Variants in KLHL1 observed in about 807,000 individuals in gnomAD.
KLHL1 encodes the protein kelch like family member 1.
KLHL1 carries 47 observed loss-of-function variants against 77.7 expected under a neutral mutation model. The ratio of observed to expected loss-of-function variants is 0.60; its 90% confidence interval spans 0.48 to 0.77. The LOEUF (loss-of-function observed/expected upper bound fraction) is 0.77, where lower values mean the gene tolerates loss of function less well. Ranked by LOEUF, KLHL1 falls within the 30% of genes least tolerant of loss-of-function variation. KLHL1 has a pLI of 0.00. For synonymous variants in KLHL1, 360 were observed against 325.2 expected, an observed-to-expected ratio of 1.11 and a Z score of -1.15; for missense variants, 925 against 910.8, an observed-to-expected ratio of 1.02 and a Z score of -0.20.
intron 7 of KLHL1, among the ~76,000 whole-genome samples, chr13:69,786,852 A>T (rs1050710777): frequency 3.9e-5 from 6 of 152,210 alleles, no homozygotes; most frequent in African/African-American, 1.4e-4. Flanking sequence ...AAGCATTCTT[A>T]TACACCAATA....
intron 6 of KLHL1, among the ~76,000 whole-genome samples, chr13:69,813,047 C>T (rs1366102799): frequency 6.6e-6 from 1 of 150,950 alleles, no homozygotes; most frequent in African/African-American, 2.5e-5. Context: ...TGGCACTATT[C>T]ACAATAGCAA....
At chr13:69,846,475 C>A (rs1358301804) in intron 5 of KLHL1, among the ~76,000 whole-genome samples, 2 of 151,394 alleles carry the variant, frequency 1.3e-5, no homozygotes, top group Non-Finnish European at 3.0e-5. Context: ...TTAGAGCATT[C>A]CAGCTGCCAG....
chr13:69,942,093 G>A (rs1883382265), intron 3 of KLHL1, among the ~76,000 whole-genome samples: 1 of 151,932 alleles, frequency 6.6e-6, no homozygotes, highest in African/African-American at 2.4e-5. Context: ...TTAAACCTGA[G>A]AAAATAATAT....
intron 7 of KLHL1, among the ~76,000 whole-genome samples, chr13:69,780,687 T>C (rs1876099638): frequency 1.5e-4 from 1 of 6,574 alleles, no homozygotes; most frequent in South Asian, 9.6e-3. Context: ...TCTTTCTTCA[T>C]ATATATATAT....
intron 1 of KLHL1, among the ~76,000 whole-genome samples, chr13:70,095,703 T>C (rs1327646771): frequency 6.6e-6 from 1 of 152,132 alleles, no homozygotes; most frequent in Non-Finnish European, 1.5e-5. Context: ...TTCCACTCTT[T>C]TAGTTATTTT....
At chr13:69,973,219 C>T (rs74090681) in intron 2 of KLHL1, among the ~76,000 whole-genome samples, 3,359 of 151,820 alleles carry the variant, frequency 0.022, 80 homozygotes, top group African/African-American at 0.061. Context: ...ATAATTGTGA[C>T]CAATATCAAG....
chr13:69,789,597 T>C (rs1876763389), intron 7 of KLHL1, among the ~76,000 whole-genome samples: 1 of 152,226 alleles, frequency 6.6e-6, no homozygotes, highest in African/African-American at 2.4e-5. Context: ...AGTTAACCAA[T>C]AGTAGAATGA....
At chr13:70,031,250 C>T (rs904332407) in intron 1 of KLHL1, among the ~76,000 whole-genome samples, 6 of 152,134 alleles carry the variant, frequency 3.9e-5, no homozygotes, top group African/African-American at 1.4e-4. Flanking sequence ...TCCTAAGCTC[C>T]TATACACATC....
At chr13:70,081,968 A>G (rs1887402474) in intron 1 of KLHL1, among the ~76,000 whole-genome samples, 1 of 152,112 alleles carries the variant, frequency 6.6e-6, no homozygotes, top group African/African-American at 2.4e-5. Flanking sequence ...AGGCTGGTGG[A>G]TTGGATCATG....
At chr13:69,731,610 G>A (rs564335881) in intron 8 of KLHL1, among the ~76,000 whole-genome samples, 3 of 152,054 alleles carry the variant, frequency 2.0e-5, no homozygotes, top group African/African-American at 7.2e-5. Flanking sequence ...GTTCAATAGC[G>A]AACACTTTAT....
chr13:70,105,914 T>G (rs1035719671), intron 1 of KLHL1, among the ~76,000 whole-genome samples: 6 of 150,766 alleles, frequency 4.0e-5, no homozygotes, highest in Non-Finnish European at 3.0e-5. Context: ...CTCATTAAAA[T>G]TATCTTACAT....
At chr13:69,874,877 G>C (rs1458672808) in intron 5 of KLHL1, among the ~76,000 whole-genome samples, 1 of 152,018 alleles carries the variant, frequency 6.6e-6, no homozygotes, top group Non-Finnish European at 1.5e-5. Flanking sequence ...GGGATATTAA[G>C]GTTTTATCCT....
At chr13:70,049,434 G>A (rs1886578470) in intron 1 of KLHL1, among the ~76,000 whole-genome samples, 1 of 152,032 alleles carries the variant, frequency 6.6e-6, no homozygotes, top group East Asian at 1.9e-4. Context: ...GCTACCTGAC[G>A]TCGATCTGAA....
chr13:70,107,236 G>C lies in KLHL1; in HGVS notation c.464C>G (p.Ser155Cys), dbSNP rs367962070. The C allele has an allele frequency of 1.2e-6, 2 of 1,613,432 alleles. No homozygotes were observed. The highest frequency in any genetic ancestry group is 1.7e-6 in the Non-Finnish European group (2 of 1,179,684). The change falls in exon 1 of 11, where the codon TCT becomes TGT. Residue 155 changes from serine (S) to cysteine (C), a missense_variant. Transcript: ENST00000377844. The part of the protein sequence containing the change: ...LQELKVEPDN[S>C]SQATGEGCGH... The stretch of plus-strand genomic sequence containing the variant: ...ACATCCTTCACCTGTTGCCTGGCTA[G>C]AGTTGTCTGGCTCCACTTTGAGCTC...
At chr13:70,006,314 C>A (rs1405879885) in intron 1 of KLHL1, among the ~76,000 whole-genome samples, 4 of 151,864 alleles carry the variant, frequency 2.6e-5, no homozygotes, top group African/African-American at 4.8e-5. Context: ...CTGGGATAAA[C>A]CCCACTTGAT....
chr13:70,039,657 T>G (rs1413789687), intron 1 of KLHL1, among the ~76,000 whole-genome samples: 5 of 142,816 alleles, frequency 3.5e-5, no homozygotes, highest in Admixed American at 2.8e-4. Flanking sequence ...TTTTTTTTTT[T>G]GAGACAGAGT....
At chr13:69,757,390 C>A (rs945031596) in intron 7 of KLHL1, among the ~76,000 whole-genome samples, 2 of 152,012 alleles carry the variant, frequency 1.3e-5, no homozygotes, top group African/African-American at 2.4e-5. Flanking sequence ...ATTTTAGGAA[C>A]CTTGTAAAAT....
chr13:70,036,022 C>T (rs1886230618), intron 1 of KLHL1, among the ~76,000 whole-genome samples: 1 of 151,962 alleles, frequency 6.6e-6, no homozygotes, highest in South Asian at 2.1e-4. Context: ...TATCAACACA[C>T]TGAATAATTT....
intron 1 of KLHL1, among the ~76,000 whole-genome samples, chr13:70,048,162 A>G (rs1886546695): frequency 6.6e-6 from 1 of 152,174 alleles, no homozygotes; most frequent in Non-Finnish European, 1.5e-5. Context: ...AACTTATCTC[A>G]AATATACTTT....
Sources: gnomAD v4.1 joint callset for allele counts (sites outside exome capture counted in the v4.1 genomes callset) on GRCh38, gnomAD v4.1.1 for gene constraint, MANE v1.5 for transcripts, NCBI Gene and HGNC (gene_info 2026-07-23, HGNC 2026-07-21) for gene names.